The following CRACD variants were observed in gnomAD, a reference collection of about 807,000 sequenced individuals.
CRACD encodes capping protein-inhibiting regulator of actin dynamics.
Under a neutral mutation model 106.8 loss-of-function variants are expected in CRACD, and 56 were observed. The ratio of observed to expected loss-of-function variants is 0.52; its 90% CI spans 0.42 to 0.66. CRACD has a LOEUF of 0.66. Ranked by LOEUF, CRACD falls within the 30% of genes least tolerant of loss-of-function variation. The probability of loss-of-function intolerance (pLI) is 0.00; values close to 1 mark genes in which losing one functional copy is unlikely to be tolerated. For synonymous variants in CRACD, 754 were observed against 670.8 expected, an observed-to-expected ratio of 1.12 and a Z score of -1.92; for missense variants, 1,730 against 1,623.2, an observed-to-expected ratio of 1.07 and a Z score of -1.13.
At chr4:56,196,159 A>G (rs1271303443) in intron 2 of CRACD, among the ~76,000 whole-genome samples, 1 of 152,182 alleles carries the variant, frequency 6.6e-6, no homozygotes, top group African/African-American at 2.4e-5. Flanking sequence ...TATTACAGGT[A>G]TCAGTTTGTT....
rs767027250 is a variant in CRACD at position 56,316,318 on chromosome 4, C to A, written c.2816C>A (p.Ala939Asp). ...VPVAHPGPPP[A>D]SSQTPAPEHD... ...GTGGCCCACCCTGGGCCTCCACCGG[C>A]CAGCAGCCAGACCCCGGCTCCGGAG... is the stretch of plus-strand genomic sequence containing the variant. The change falls in exon 8 of 11, where the codon GCC (alanine) becomes GAC (aspartate). Residue 939 changes from alanine to aspartate, a missense_variant. Ala to Asp is a moderately radical substitution (Grantham distance 126). Around this residue, in one of 5 missense-constraint regions of CRACD, gnomAD observed 1,620 missense variants for 1,481.6 expected, o/e 1.09. Coordinates refer to ENST00000682029, the MANE Select transcript of CRACD (RefSeq NM_001393381.1). 4 of 1,614,016 alleles carry A rather than the reference C, an allele frequency of 2.5e-6. No individual in the cohort carries two copies. Among genetic ancestry groups the A allele is most frequent in the Non-Finnish European group, 3.4e-6 (4 of 1,179,920 alleles).
intron 1 of CRACD, among the ~76,000 whole-genome samples, chr4:56,071,852 G>A (rs528885160): frequency 6.6e-6 from 1 of 151,796 alleles, no homozygotes; most frequent in South Asian, 2.1e-4. Context: ...TTGGGGCCGG[G>A]CGCGGTGGCT....
rs566070968 is a variant in CRACD at position 56,148,797 on chromosome 4, G to A, written c.-335-30487G>A. Among the ~76,000 whole-genome samples the A allele has an allele frequency of 8.7e-5, 13 of 150,158 alleles. No homozygotes were observed. In the South Asian group the frequency reaches 2.5e-3, roughly 29 times the overall value. ...AATTTACTATTTCAACTGTAGTGAT[G>A]TTTATCCTTAGATTTTTTTTTTTTT... On this transcript the variant is annotated intron_variant, in intron 1 of 10. Coordinates refer to ENST00000682029, the MANE Select transcript of CRACD (RefSeq NM_001393381.1).
intron 2 of CRACD, among the ~76,000 whole-genome samples, chr4:56,191,327 C>T (rs1161505934): frequency 6.6e-6 from 1 of 151,778 alleles, no homozygotes; most frequent in African/African-American, 2.4e-5. Context: ...GCTTGTGGCC[C>T]CTTCCTCCCT....
At chr4:56,221,023 G>A (rs1739002916) in intron 2 of CRACD, among the ~76,000 whole-genome samples, 1 of 152,290 alleles carries the variant, frequency 6.6e-6, no homozygotes, top group African/African-American at 2.4e-5. Flanking sequence ...CTTGGGGTTT[G>A]GGATTTGTAG....
chr4:56,180,842 C>T (rs1736792216), intron 2 of CRACD, among the ~76,000 whole-genome samples: 1 of 152,146 alleles, frequency 6.6e-6, no homozygotes, highest in Non-Finnish European at 1.5e-5. Flanking sequence ...CTTAGGGAGT[C>T]ACTTAAAGAA....
chr4:56,148,295 A>G (rs76049508), intron 1 of CRACD, among the ~76,000 whole-genome samples: 1 of 150,838 alleles, frequency 6.6e-6, no homozygotes, highest in South Asian at 2.1e-4. Context: ...AAAAAAAAAA[A>G]TTTATTTTTT....
chr4:56,180,244 C>A lies in CRACD; in HGVS notation c.-189+814C>A, dbSNP rs151060801. On this transcript the variant is annotated intron_variant, in intron 2 of 10. Transcript: ENST00000682029. ...CGTTGGCTCACGTCTGTAATCCCAG[C>A]ACTTTGGGAGGCCGAGGTGGGCGAA... Among the ~76,000 whole-genome samples, 713 of 152,134 alleles carry A rather than the reference C, an allele frequency of 4.7e-3. 5 individuals carry two copies. The highest frequency in any genetic ancestry group is 0.016 in the African/African-American group (678 of 41,512).
chr4:56,258,059 A>T (rs1480356340), intron 2 of CRACD, among the ~76,000 whole-genome samples: 1 of 148,736 alleles, frequency 6.7e-6, no homozygotes, highest in Non-Finnish European at 1.5e-5. Context: ...ACAGAGTGAG[A>T]CTCCATCTCA....
At chr4:56,280,922 ATC>A (rs1188152760) in intron 3 of CRACD, among the ~76,000 whole-genome samples, 1 of 152,198 alleles carries the variant, frequency 6.6e-6, no homozygotes, top group East Asian at 1.9e-4. Flanking sequence ...TTGACTGTTT[ATC>A]CTCTATCCTT....
intron 1 of CRACD, among the ~76,000 whole-genome samples, chr4:56,105,831 C>T (rs568878634): frequency 6.6e-4 from 101 of 152,056 alleles, no homozygotes; most frequent in African/African-American, 2.3e-3. Flanking sequence ...CATTTTTTTC[C>T]TGCTCTTGCT....
intron 1 of CRACD, among the ~76,000 whole-genome samples, chr4:56,075,904 T>C (rs774027612): frequency 1.2e-4 from 19 of 152,194 alleles, no homozygotes; most frequent in Non-Finnish European, 2.2e-4. Flanking sequence ...TGTATGTTCA[T>C]TGTGGCTGTG....
chr4:56,312,744 T>C (rs532131856), intron 6 of CRACD, among the ~76,000 whole-genome samples: 1 of 152,224 alleles, frequency 6.6e-6, no homozygotes, highest in South Asian at 2.1e-4. Context: ...TACTCATTAT[T>C]TTAGGCTTTG....
chr4:56,170,268 C>G (rs538005033), intron 1 of CRACD: 1 of 152,114 alleles, frequency 6.6e-6, no homozygotes, highest in African/African-American at 2.4e-5. Context: ...TTCTGAAGAG[C>G]GCAGGTTCTT....
chr4:56,182,109 G>T (rs180863155), intron 2 of CRACD, among the ~76,000 whole-genome samples: 30 of 152,228 alleles, frequency 2.0e-4, no homozygotes, highest in African/African-American at 6.7e-4. Context: ...GGCTTGACAC[G>T]ATGGCTCACA....
intron 1 of CRACD, among the ~76,000 whole-genome samples, chr4:56,054,115 A>G (rs1339973902): frequency 6.6e-6 from 1 of 152,144 alleles, no homozygotes; most frequent in Non-Finnish European, 1.5e-5. Context: ...TGTAATTTGT[A>G]TGTTCAGGCA....
At chr4:56,190,970 T>C (rs1737344346) in intron 2 of CRACD, among the ~76,000 whole-genome samples, 1 of 152,128 alleles carries the variant, frequency 6.6e-6, no homozygotes, top group Non-Finnish European at 1.5e-5. Context: ...TCTCACTAGA[T>C]ACATGAGGAT....
intron 1 of CRACD, among the ~76,000 whole-genome samples, chr4:56,166,755 C>T (rs1031962256): frequency 2.7e-5 from 4 of 150,200 alleles, no homozygotes; most frequent in African/African-American, 7.4e-5. Context: ...AATTTAGTAG[C>T]ATGGAAAAAT....
At chr4:56,235,530 C>A (rs1369220764) in intron 2 of CRACD, among the ~76,000 whole-genome samples, 1 of 152,114 alleles carries the variant, frequency 6.6e-6, no homozygotes, top group Non-Finnish European at 1.5e-5. Flanking sequence ...TCAGACAAAC[C>A]ATTTTTCTAA....
Sources: gnomAD v4.1 joint callset for allele counts (sites outside exome capture counted in the v4.1 genomes callset) on GRCh38, gnomAD v4.1.1 for gene constraint, gnomAD v4.1.1 regional missense constraint, MANE v1.5 for transcripts, NCBI Gene and HGNC (gene_info 2026-07-23, HGNC 2026-07-21) for gene names.